The following SPMIP2 variants were observed in gnomAD, a reference collection of about 807,000 sequenced individuals.
SPMIP2 encodes the protein sperm microtubule inner protein 2, also known as protein SPMIP2.
At chr4:158,950,815 C>G in the SPMIP2 span, among the ~76,000 whole-genome samples, 10 of 152,142 alleles carry the variant, frequency 6.6e-5, no homozygotes, top group African/African-American at 2.2e-4. Context: ...ATTGCTTGAA[C>G]CTTGGAGGCA....
chr4:159,047,328 T>C, the SPMIP2 span, among the ~76,000 whole-genome samples: 1 of 152,178 alleles, frequency 6.6e-6, no homozygotes, highest in Non-Finnish European at 1.5e-5. Context: ...TACATTTATT[T>C]GTGTCTGAAA....
chr4:159,038,401 T>C, the SPMIP2 span, among the ~76,000 whole-genome samples: 1 of 152,218 alleles, frequency 6.6e-6, no homozygotes, highest in Non-Finnish European at 1.5e-5. Context: ...TGATTGAACA[T>C]GCTTTCATGT....
At chr4:158,924,988 T>G in the SPMIP2 span, among the ~76,000 whole-genome samples, 1 of 152,248 alleles carries the variant, frequency 6.6e-6, no homozygotes, top group African/African-American at 2.4e-5. Flanking sequence ...TGTATCTATA[T>G]TCATAGCAGG....
chr4:158,951,651 C>G, the SPMIP2 span, among the ~76,000 whole-genome samples: 4 of 152,148 alleles, frequency 2.6e-5, no homozygotes, highest in Non-Finnish European at 5.9e-5. Flanking sequence ...GACACACACA[C>G]GCACACACAA....
chr4:158,928,714 A>C, the SPMIP2 span, among the ~76,000 whole-genome samples: 1 of 152,154 alleles, frequency 6.6e-6, no homozygotes, highest in Admixed American at 6.5e-5. Context: ...TTTTGCAATA[A>C]ATCTTGCTAC....
the SPMIP2 span, among the ~76,000 whole-genome samples, chr4:158,990,987 T>G: frequency 2.0e-5 from 3 of 152,294 alleles, no homozygotes; most frequent in South Asian, 6.2e-4. Flanking sequence ...ATAATAGTGC[T>G]CTAAAGACTT....
the SPMIP2 span, chr4:159,007,330 T>A: frequency 1.4e-6 from 1 of 739,798 alleles, no homozygotes; most frequent in Non-Finnish European, 2.4e-6. Flanking sequence ...TCCCAGGCCC[T>A]CCACCCAAGG....
chr4:159,004,342 G>C, the SPMIP2 span, among the ~76,000 whole-genome samples: 3 of 139,416 alleles, frequency 2.2e-5, no homozygotes, highest in East Asian at 4.2e-4. Context: ...CCAGGCTGGA[G>C]TGCAGTGGTG....
chr4:158,928,093 A>G, the SPMIP2 span, among the ~76,000 whole-genome samples: 3 of 152,206 alleles, frequency 2.0e-5, no homozygotes, highest in East Asian at 5.8e-4. Flanking sequence ...TGCAGGCGCA[A>G]GGCACGGGAC....
chr4:159,067,161 T>C, the SPMIP2 span, among the ~76,000 whole-genome samples: 1 of 151,898 alleles, frequency 6.6e-6, no homozygotes, highest in Non-Finnish European at 1.5e-5. Flanking sequence ...AACTATAAAA[T>C]AAACATAAAT....
chr4:158,934,462 AAAAATAAAAT>A, the SPMIP2 span, among the ~76,000 whole-genome samples: 1 of 152,156 alleles, frequency 6.6e-6, no homozygotes, highest in Admixed American at 6.6e-5. Context: ...ACTCAGTCTC[AAAAATAAAAT>A]AAAATAAAAT....
the SPMIP2 span, among the ~76,000 whole-genome samples, chr4:158,940,149 C>T: frequency 1.9e-4 from 29 of 152,224 alleles, no homozygotes; most frequent in Admixed American, 9.8e-4. Flanking sequence ...TTTCTCCTGA[C>T]GGCTCTCTCT....
the SPMIP2 span, among the ~76,000 whole-genome samples, chr4:159,082,009 G>A: frequency 2.0e-5 from 3 of 151,908 alleles, no homozygotes; most frequent in Admixed American, 2.0e-4. Context: ...TGGTTTACAT[G>A]AGAGTTCTTT....
the SPMIP2 span, among the ~76,000 whole-genome samples, chr4:159,027,035 G>T: frequency 2.0e-5 from 3 of 151,472 alleles, no homozygotes; most frequent in Non-Finnish European, 4.4e-5. Flanking sequence ...ACACTGTGTT[G>T]AGTTAGGTGA....
the SPMIP2 span, among the ~76,000 whole-genome samples, chr4:158,922,666 A>G: frequency 6.6e-6 from 1 of 152,204 alleles, no homozygotes; most frequent in Non-Finnish European, 1.5e-5. Flanking sequence ...ATTATATTCA[A>G]AAGATTATGC....
the SPMIP2 span, among the ~76,000 whole-genome samples, chr4:158,901,315 G>A: frequency 6.6e-6 from 1 of 151,802 alleles, no homozygotes; most frequent in Non-Finnish European, 1.5e-5. Context: ...GTTGAATATT[G>A]GCCCCCACTC....
At chr4:158,897,876 C>A in the SPMIP2 span, among the ~76,000 whole-genome samples, 8 of 152,190 alleles carry the variant, frequency 5.3e-5, no homozygotes, top group African/African-American at 1.9e-4. Flanking sequence ...GCTTTTGTTA[C>A]CATTGCTTTT....
chr4:158,893,712 C>G, the SPMIP2 span: 1 of 1,585,652 alleles, frequency 6.3e-7, no homozygotes, highest in Non-Finnish European at 8.6e-7. Context: ...GTTAATGTTT[C>G]CTTTTCTGTA....
the SPMIP2 span, among the ~76,000 whole-genome samples, chr4:158,981,065 G>A: frequency 6.6e-6 from 1 of 152,162 alleles, no homozygotes; most frequent in Non-Finnish European, 1.5e-5. Flanking sequence ...GCATACACAA[G>A]TATCAATAGC....
Sources: gnomAD v4.1 joint callset for allele counts (sites outside exome capture counted in the v4.1 genomes callset) on GRCh38, gnomAD v4.1.1 for gene constraint, MANE v1.5 for transcripts, NCBI Gene and HGNC (gene_info 2026-07-23, HGNC 2026-07-21) for gene names.